IL1RAPL2: variants seen among roughly 807,000 people sequenced by gnomAD.
IL1RAPL2 encodes interleukin 1 receptor accessory protein like 2.
A neutral mutation model predicts 44.1 loss-of-function variants in IL1RAPL2; 3 were observed. The ratio of observed to expected loss-of-function variants is 0.07; its 90% confidence interval spans 0.03 to 0.18. The LOEUF is 0.18. IL1RAPL2 is among the 10% of genes least tolerant of loss of function. The pLI, the probability that IL1RAPL2 is intolerant of heterozygous loss-of-function variation, is 1.00. For missense variants in IL1RAPL2, 391 were observed against 496.4 expected (o/e 0.79, Z 2.02); for synonymous variants, 181 against 178.8 (o/e 1.01, Z -0.10).
At chrX:105,417,866 C>G (rs1024738259) in intron 5 of IL1RAPL2, among the ~76,000 whole-genome samples, 4 of 111,802 alleles carry the variant, frequency 3.6e-5, no homozygotes, top group Non-Finnish European at 5.6e-5. Context: ...GAATATGACA[C>G]GTATGCTTAC....
intron 2 of IL1RAPL2, among the ~76,000 whole-genome samples, chrX:105,174,182 C>T (rs888603212): frequency 5.8e-4 from 65 of 111,351 alleles, no homozygotes; most frequent in Admixed American, 7.7e-4. Context: ...TAACAAATCT[C>T]CCTTGTTCCT....
At chrX:104,589,669 T>C (rs1928627287) in intron 1 of IL1RAPL2, among the ~76,000 whole-genome samples, 1 of 112,460 alleles carries the variant, frequency 8.9e-6, no homozygotes, top group Non-Finnish European at 1.9e-5. Flanking sequence ...GATTTTATGA[T>C]GTCTTTTTTT....
rs1023675650 is a variant in IL1RAPL2, at chrX:104,961,363, G to C, written c.83-234112G>C. ...TTATTTTTTGTGTCTTGTTTGACCAGAGATCTGAATTAGCTTTTCAGATTT... is the reference window on the plus strand; with the variant it reads ...TTATTTTTTGTGTCTTGTTTGACCACAGATCTGAATTAGCTTTTCAGATTT... On this transcript the variant is annotated intron_variant, in intron 2 of 10. Coordinates refer to ENST00000372582, the MANE Select transcript of IL1RAPL2 (RefSeq NM_017416.2). Among the ~76,000 whole-genome samples the C allele has an allele frequency of 3.6e-5, 4 of 111,801 alleles. 1 individual carries two copies. In the South Asian group the frequency reaches 1.5e-3, roughly 42 times the overall value.
intron 2 of IL1RAPL2, among the ~76,000 whole-genome samples, chrX:104,741,232 C>T (rs1233237394): frequency 9.0e-6 from 1 of 111,235 alleles, no homozygotes; most frequent in Non-Finnish European, 1.9e-5. Flanking sequence ...TACATTTAAG[C>T]ATCTGTTTAT....
At chrX:105,344,292 G>A (rs1006706631) in intron 5 of IL1RAPL2, among the ~76,000 whole-genome samples, 2 of 111,558 alleles carry the variant, frequency 1.8e-5, no homozygotes, top group Non-Finnish European at 3.8e-5. Flanking sequence ...ACTTAAACTC[G>A]GGCTTTAGAG....
chrX:105,477,297 C>G (rs953157539), intron 5 of IL1RAPL2, among the ~76,000 whole-genome samples: 2 of 111,275 alleles, frequency 1.8e-5, no homozygotes. Flanking sequence ...ATCTAAATTA[C>G]GGGACTCTCA....
chrX:105,512,843 A>G (rs139677861), intron 6 of IL1RAPL2, among the ~76,000 whole-genome samples: 6,173 of 110,717 alleles, frequency 0.056, 194 homozygotes, highest in Non-Finnish European at 0.093. Flanking sequence ...ATAGGTATAC[A>G]TGTGCCATGG....
At chrX:104,603,060 A>G (rs1928919667) in intron 1 of IL1RAPL2, among the ~76,000 whole-genome samples, 1 of 111,482 alleles carries the variant, frequency 9.0e-6, no homozygotes, top group Non-Finnish European at 1.9e-5. Context: ...GGGCAGACAG[A>G]CACCTCATAC....
chrX:104,866,192 T>C (rs1344833785), intron 2 of IL1RAPL2, among the ~76,000 whole-genome samples: 1 of 111,891 alleles, frequency 8.9e-6, no homozygotes, highest in Non-Finnish European at 1.9e-5. Context: ...GTGAAATCCA[T>C]GGGAACACTG....
chrX:105,434,241 A>G (rs1372379147), intron 5 of IL1RAPL2, among the ~76,000 whole-genome samples: 1 of 112,252 alleles, frequency 8.9e-6, no homozygotes, highest in Non-Finnish European at 1.9e-5. Context: ...GCTGACAAGG[A>G]TGTGAAGCAA....
chrX:105,324,340 C>T (rs773222019), intron 5 of IL1RAPL2, among the ~76,000 whole-genome samples: 10 of 111,325 alleles, frequency 9.0e-5, no homozygotes, highest in Non-Finnish European at 1.5e-4. Flanking sequence ...GTGGTCCAGC[C>T]TTCCCCTGCT....
chrX:104,761,145 C>T (rs1310200021), intron 2 of IL1RAPL2, among the ~76,000 whole-genome samples: 1 of 111,330 alleles, frequency 9.0e-6, no homozygotes, highest in Non-Finnish European at 1.9e-5. Flanking sequence ...CTAATAAAGA[C>T]ATACCTGAGA....
At chrX:105,403,516 G>C (rs1239273983) in intron 5 of IL1RAPL2, among the ~76,000 whole-genome samples, 1 of 111,707 alleles carries the variant, frequency 9.0e-6, no homozygotes, top group African/African-American at 3.3e-5. Flanking sequence ...TTTGGTTGCA[G>C]ATGCTCATGA....
chrX:104,910,752 C>T (rs1924210644), intron 2 of IL1RAPL2, among the ~76,000 whole-genome samples: 1 of 111,876 alleles, frequency 8.9e-6, no homozygotes, highest in South Asian at 3.8e-4. Flanking sequence ...TCTACATATT[C>T]ACGTGCACAC....
chrX:104,974,718 G>A (rs995101500), intron 2 of IL1RAPL2, among the ~76,000 whole-genome samples: 1 of 112,267 alleles, frequency 8.9e-6, no homozygotes, highest in Non-Finnish European at 1.9e-5. Context: ...AAATGTTCAA[G>A]CGGCTGCTTG....
intron 5 of IL1RAPL2, among the ~76,000 whole-genome samples, chrX:105,409,837 T>TAGACAGACAGACAGACAGAC: frequency 1.1e-5 from 1 of 91,738 alleles, no homozygotes; most frequent in South Asian, 6.2e-4. Flanking sequence ...GATAGATAGA[T>TAGACAGACAGACAGACAGAC]AGATAGATAG....
At chrX:104,618,964 C>G (rs942214139) in intron 1 of IL1RAPL2, among the ~76,000 whole-genome samples, 1 of 111,871 alleles carries the variant, frequency 8.9e-6, no homozygotes, top group Non-Finnish European at 1.9e-5. Flanking sequence ...CTGGAGCACC[C>G]AGCAATGGCA....
chrX:105,556,822 AAT>A lies in IL1RAPL2; in HGVS notation c.772+72438_772+72439del, dbSNP rs751275378. ...ACCCTGTTCTTTTATAGATATCAAAAATATGTTTGAAATAATTTAGTCAGTAA... is the reference window on the plus strand; with the variant it reads ...ACCCTGTTCTTTTATAGATATCAAAAATGTTTGAAATAATTTAGTCAGTAA... On this transcript the variant is annotated intron_variant, in intron 6 of 10. Coordinates refer to ENST00000372582, the MANE Select transcript of IL1RAPL2 (RefSeq NM_017416.2). 6.3e-5 allele frequency among the ~76,000 whole-genome samples: 7 copies of A among 111,825 alleles called. No homozygotes were observed. In the East Asian group the frequency reaches 2.0e-3, roughly 31 times the overall value.
At chrX:105,337,916 A>AG (rs2035041755) in intron 5 of IL1RAPL2, among the ~76,000 whole-genome samples, 1 of 108,047 alleles carries the variant, frequency 9.3e-6, no homozygotes, top group African/African-American at 3.6e-5. Flanking sequence ...CACACACACA[A>AG]ACTTGATAAA....
Sources: gnomAD v4.1 joint callset for allele counts (sites outside exome capture counted in the v4.1 genomes callset) on GRCh38, gnomAD v4.1.1 for gene constraint, MANE v1.5 for transcripts, NCBI Gene and HGNC (gene_info 2026-07-23, HGNC 2026-07-21) for gene names.